UBOX5: variants seen among roughly 807,000 people sequenced by gnomAD.
The protein encoded by UBOX5 is U-box domain containing 5.
A neutral mutation model predicts 39.0 loss-of-function variants in UBOX5; 28 were observed. The ratio of observed to expected loss-of-function variants is 0.72; its 90% CI spans 0.53 to 0.98. UBOX5 has a LOEUF of 0.98. UBOX5 is among the 50% of genes least tolerant of loss of function. UBOX5 has a pLI of 0.00. For missense variants in UBOX5, 585 were observed against 674.4 expected (o/e 0.87, Z 1.47); for synonymous variants, 283 against 275.5 (o/e 1.03, Z -0.27).
rs147263877 is a variant in UBOX5 at position 3,118,724 on chromosome 20, A to T, written c.1255+2660T>A. 7.8e-3 allele frequency among the ~76,000 whole-genome samples: 1,179 copies of T among 152,104 alleles called. 22 individuals are homozygous for T. Among genetic ancestry groups the T allele is most frequent in the African/African-American group, 0.027 (1,112 of 41,502 alleles). On this transcript the variant is annotated intron_variant, in intron 3 of 4. Coordinates refer to ENST00000217173, the MANE Select transcript of UBOX5 (RefSeq NM_014948.4). ...GAGGCGGAGCTGGCAGTGAGCCAAG[A>T]TCGCGCCACTGCACTCCAGCCTGGG...
chr20:3,159,031 C>CT (rs1447712992), intron 1 of UBOX5, among the ~76,000 whole-genome samples: 3 of 152,226 alleles, frequency 2.0e-5, no homozygotes, highest in Non-Finnish European at 4.4e-5. Flanking sequence ...AGTGAAGCAT[C>CT]ACCCAAGACT....
chr20:3,111,448 C>G (rs2066253106), intron 4 of UBOX5, among the ~76,000 whole-genome samples: 2 of 152,176 alleles, frequency 1.3e-5, no homozygotes, highest in Non-Finnish European at 2.9e-5. Context: ...ACTTGACCAC[C>G]CCATAACTCT....
intron 1 of UBOX5, among the ~76,000 whole-genome samples, chr20:3,154,867 G>C (rs1211807429): frequency 6.6e-6 from 1 of 151,638 alleles, no homozygotes; most frequent in African/African-American, 2.4e-5. Flanking sequence ...TGATACAAGA[G>C]ACCTAGAGCC....
At chr20:3,148,772 C>G (rs1210949693) in intron 1 of UBOX5, 2 of 1,614,124 alleles carry the variant, frequency 1.2e-6, no homozygotes, top group African/African-American at 2.7e-5. Context: ...TTCATCAACT[C>G]CTGTGGCCCT....
In UBOX5 at chr20:3,121,825, T is replaced by G. The variant is rs768718812; in HGVS notation, c.814A>C (p.Met272Leu). 6.2e-7 allele frequency: 1 copy of G among 1,614,024 alleles called. No individual in the cohort carries two copies. The highest frequency in any genetic ancestry group is 1.3e-5 in the African/African-American group (1 of 74,940). Residue 272 changes from methionine (M) to leucine (L), a missense_variant, in exon 3 of 5, where the codon ATG becomes CTG. Physicochemically the swap from Met to Leu is conservative, Grantham distance 15. Transcript: ENST00000217173. ...GAGGGCAGCAGCATGGGACAAGGCA[T>G]GATCTCCAGGGTGATGGGATCCAGG... ...EFLDPITLEIMPCPMLLPSGK... is the reference protein window; with the variant it reads ...EFLDPITLEILPCPMLLPSGK...
chr20:3,126,064 G>A (rs186034389), intron 1 of UBOX5, among the ~76,000 whole-genome samples: 3,017 of 152,320 alleles, frequency 0.02, 113 homozygotes, highest in African/African-American at 0.068. Context: ...CGGTTTTGTC[G>A]AAAAGAAAAG....
intron 4 of UBOX5, among the ~76,000 whole-genome samples, chr20:3,114,884 G>A (rs1339327545): frequency 6.6e-6 from 1 of 152,162 alleles, no homozygotes; most frequent in Non-Finnish European, 1.5e-5. Context: ...GGAGGCGGAG[G>A]TTGCAGTGAG....
intron 1 of UBOX5, among the ~76,000 whole-genome samples, chr20:3,143,737 G>A (rs1223373796): frequency 4.6e-5 from 7 of 152,292 alleles, no homozygotes; most frequent in African/African-American, 1.7e-4. Flanking sequence ...AGCTTGCAGT[G>A]AGTCGAGATC....
chr20:3,118,333 C>A (rs2148591157), intron 3 of UBOX5, among the ~76,000 whole-genome samples: 1 of 152,116 alleles, frequency 6.6e-6, no homozygotes, highest in East Asian at 1.9e-4. Flanking sequence ...ATTAGCTGGG[C>A]ACGGTTGTGG....
At chr20:3,150,397 T>C (rs753874409) in intron 1 of UBOX5, 1 of 152,136 alleles carries the variant, frequency 6.6e-6, no homozygotes. Context: ...AGCTTAGCAA[T>C]GTTTCCAGTG....
At chr20:3,157,110 GC>G (rs2066693709) in intron 1 of UBOX5, among the ~76,000 whole-genome samples, 1 of 151,790 alleles carries the variant, frequency 6.6e-6, no homozygotes, top group Admixed American at 6.6e-5. Context: ...AAAAAAAAGG[GC>G]AAAAAAACCG....
Position 3,147,426 on chromosome 20 carries a change from C to T in UBOX5, c.-42+12340G>A. ...GGCTTTGAATTCATATCCTTCTCTG[C>T]TAAATACCACAGCAATTCAGACCCC... On this transcript the variant is annotated intron_variant, in intron 1 of 4. Coordinates refer to ENST00000217173, the MANE Select transcript of UBOX5 (RefSeq NM_014948.4). The T allele has an allele frequency of 6.2e-7, 1 of 1,614,188 alleles. No individual in the cohort carries two copies. The highest frequency in any genetic ancestry group is 2.2e-5 in the East Asian group (1 of 44,884).
chr20:3,147,123 G>A, intron 1 of UBOX5: 2 of 1,613,744 alleles, frequency 1.2e-6, no homozygotes, highest in Non-Finnish European at 1.7e-6. Context: ...TGCTGCCCAG[G>A]CTCTGACTCA....
Position 3,122,601 on chromosome 20 carries a change from A to G in UBOX5, c.55-17T>C. The G allele has an allele frequency of 1.9e-6, 3 of 1,541,438 alleles. No homozygotes were observed. Among genetic ancestry groups the G allele is most frequent in the Admixed American group, 2.0e-5 (1 of 49,046 alleles). On this transcript the variant is annotated splice_polypyrimidine_tract_variant and intron_variant, in intron 2 of 4. Coordinates refer to ENST00000217173, the MANE Select transcript of UBOX5 (RefSeq NM_014948.4). ...AGCTGATATCTAGATTTAATAAAAA[A>G]CACAAGATACAATGATCCAAATGAA...
chr20:3,124,933 G>A (rs1166439540), intron 1 of UBOX5, among the ~76,000 whole-genome samples: 13 of 149,028 alleles, frequency 8.7e-5, no homozygotes, highest in African/African-American at 2.2e-4. Flanking sequence ...CCATCATCTG[G>A]GAAGCGAGGA....
In UBOX5 at chr20:3,114,096, C is replaced by T. The variant is rs552335501; in HGVS notation, c.1417+1209G>A. On this transcript the variant is annotated intron_variant, in intron 4 of 4. Coordinates refer to ENST00000217173, the MANE Select transcript of UBOX5 (RefSeq NM_014948.4). ...TTGCAGTGAGCTGAAATCGCGCCATCGCACTCCAGCTAGGGCAACAGGGGC... is the reference window on the plus strand; with the variant it reads ...TTGCAGTGAGCTGAAATCGCGCCATTGCACTCCAGCTAGGGCAACAGGGGC... 1.9e-4 allele frequency among the ~76,000 whole-genome samples: 29 copies of T among 152,154 alleles called. No homozygotes were observed. In the South Asian group the frequency reaches 3.3e-3, roughly 17 times the overall value.
chr20:3,116,180 A>C (rs1600363111), intron 3 of UBOX5, among the ~76,000 whole-genome samples: 1 of 150,294 alleles, frequency 6.7e-6, no homozygotes, highest in South Asian at 2.1e-4. Flanking sequence ...CCCTAACTCC[A>C]CCCTTCTGGG....
chr20:3,127,112 G>A (rs1270259367), intron 1 of UBOX5, among the ~76,000 whole-genome samples: 1 of 150,788 alleles, frequency 6.6e-6, no homozygotes, highest in Admixed American at 6.6e-5. Flanking sequence ...AATGGCTTCT[G>A]GTAACTCTGT....
Position 3,109,963 on chromosome 20 carries a change from G to C in UBOX5, c.*143C>G. ...CAGCGCAGAAGCAATGTGCTATACC[G>C]TGAGGTGATGAAGAAGAGCCCCGGG... On this transcript the variant is annotated 3_prime_UTR_variant, in exon 5 of 5. Coordinates refer to ENST00000217173, the MANE Select transcript of UBOX5 (RefSeq NM_014948.4). 1.1e-6 allele frequency: 1 copy of C among 909,690 alleles called. No individual in the cohort carries two copies. Among genetic ancestry groups the C allele is most frequent in the Non-Finnish European group, 1.7e-6 (1 of 592,010 alleles). 56.4% of individuals were successfully genotyped at this position (909,690 alleles called of 1,614,324 possible).
Sources: gnomAD v4.1 joint callset for allele counts (sites outside exome capture counted in the v4.1 genomes callset) on GRCh38, gnomAD v4.1.1 for gene constraint, MANE v1.5 for transcripts, NCBI Gene and HGNC (gene_info 2026-07-23, HGNC 2026-07-21) for gene names.